DOCK2: variants seen among roughly 807,000 people sequenced by gnomAD.
DOCK2 encodes dedicator of cytokinesis protein 2.
DOCK2 carries 87 observed loss-of-function variants against 248.9 expected under a neutral mutation model. That is an observed-to-expected ratio of 0.35 (90% CI 0.29 to 0.42). DOCK2 has a LOEUF of 0.42. DOCK2 is among the 10% of genes least tolerant of loss of function. The probability of loss-of-function intolerance (pLI) is 1.00; values close to 1 mark genes in which losing one functional copy is unlikely to be tolerated. For missense variants in DOCK2, 1,747 were observed against 2,300.2 expected (o/e 0.76, Z 4.92); for synonymous variants, 805 against 821.6 (o/e 0.98, Z 0.35).
At chr5:169,690,703 A>G (rs891232454) in intron 9 of DOCK2, among the ~76,000 whole-genome samples, 1 of 152,194 alleles carries the variant, frequency 6.6e-6, no homozygotes, top group African/African-American at 2.4e-5. Context: ...CATGAGAGGG[A>G]GAAGAACGGG....
intron 22 of DOCK2, among the ~76,000 whole-genome samples, chr5:169,735,483 C>G (rs1382948726): frequency 1.3e-5 from 2 of 152,078 alleles, no homozygotes. Flanking sequence ...GGAATCTATC[C>G]CTGTATTTTC....
At chr5:169,640,330 T>G (rs1436263575) in intron 1 of DOCK2, among the ~76,000 whole-genome samples, 1 of 151,916 alleles carries the variant, frequency 6.6e-6, no homozygotes, top group Non-Finnish European at 1.5e-5. Flanking sequence ...TAGAAAAGAG[T>G]TTTGTTTACC....
intron 27 of DOCK2, among the ~76,000 whole-genome samples, chr5:169,928,218 C>A (rs1156885316): frequency 6.6e-6 from 1 of 152,198 alleles, no homozygotes; most frequent in Non-Finnish European, 1.5e-5. Flanking sequence ...AGCCTCAATG[C>A]ACCAGCAGGA....
chr5:169,734,185 T>G (rs79490224), intron 22 of DOCK2, among the ~76,000 whole-genome samples: 3,451 of 152,252 alleles, frequency 0.023, 138 homozygotes, highest in African/African-American at 0.079. Context: ...ACTGAGGTTT[T>G]TCTTTCAATT....
intron 27 of DOCK2, among the ~76,000 whole-genome samples, chr5:169,870,732 T>C (rs948759562): frequency 2.0e-5 from 3 of 152,142 alleles, no homozygotes; most frequent in Admixed American, 2.0e-4. Flanking sequence ...TAGGTCTGTG[T>C]TTTTATTTTA....
intron 33 of DOCK2, among the ~76,000 whole-genome samples, chr5:170,026,145 A>G (rs1755906989): frequency 6.6e-6 from 1 of 152,160 alleles, no homozygotes; most frequent in African/African-American, 2.4e-5. Context: ...AAGTGAGGGA[A>G]CGATGGCATC....
intron 27 of DOCK2, among the ~76,000 whole-genome samples, chr5:169,885,609 G>A (rs1280972732): frequency 6.6e-6 from 1 of 152,148 alleles, no homozygotes; most frequent in Non-Finnish European, 1.5e-5. Context: ...ACCATTTATT[G>A]AGCACATACT....
At position 169,921,769 on chromosome 5, in the gene DOCK2, C is replaced by T. The variant is rs540335614; in HGVS notation, c.2800-61299C>T. Among the ~76,000 whole-genome samples the T allele has an allele frequency of 5.3e-5, 8 of 152,300 alleles. No homozygotes were observed. The East Asian group carries it at 1.5e-3, about 29-fold the overall frequency. ...GAGGATTAGGGCCCACTGATAAGAA[C>T]AGGCTGTAAGCAGTGTTGTGACAGT... On this transcript the variant is annotated intron_variant, in intron 27 of 51. Transcript: ENST00000520908.
chr5:169,686,752 G>A (rs750584879), intron 8 of DOCK2, among the ~76,000 whole-genome samples: 2 of 152,166 alleles, frequency 1.3e-5, no homozygotes, highest in African/African-American at 4.8e-5. Context: ...AGCTAGGATC[G>A]ATGTTTTAAT....
Position 170,036,063 on chromosome 5 carries a change from A to G in DOCK2, c.3625-452A>G, listed in dbSNP as rs533113179. Among the ~76,000 whole-genome samples the G allele has an allele frequency of 1.6e-4, 24 of 152,278 alleles. No individual in the cohort carries two copies. The South Asian group carries it at 4.8e-3, about 30-fold the overall frequency. ...ATATAATTCCTGATAGTTCTGCACT[A>G]TCAGGAATTCTGATCTCTTACTATT... is the stretch of plus-strand genomic sequence containing the variant. On this transcript the variant is annotated intron_variant, in intron 35 of 51. Coordinates refer to ENST00000520908, the MANE Select transcript of DOCK2 (RefSeq NM_004946.3).
intron 19 of DOCK2, among the ~76,000 whole-genome samples, chr5:169,715,608 TAA>T (rs1181578802): frequency 5.4e-5 from 8 of 149,012 alleles, no homozygotes; most frequent in African/African-American, 2.0e-4. Context: ...TTTTTTTTTT[TAA>T]AAAAGTTTGT....
intron 26 of DOCK2, among the ~76,000 whole-genome samples, chr5:169,810,333 T>A (rs1767660294): frequency 6.6e-6 from 1 of 152,238 alleles, no homozygotes; most frequent in Non-Finnish European, 1.5e-5. Flanking sequence ...TTCATTGGTC[T>A]GTGCAAGATC....
At chr5:169,767,923 T>C (rs1256215789) in intron 25 of DOCK2, among the ~76,000 whole-genome samples, 3 of 152,242 alleles carry the variant, frequency 2.0e-5, no homozygotes, top group Non-Finnish European at 4.4e-5. Context: ...TTTTGGACTA[T>C]GTGATGCTAG....
Position 169,717,321 on chromosome 5 carries a change from G to C in DOCK2, c.2032-63G>C, listed in dbSNP as rs1761958977. Reference sequence around the variant, plus strand: ...TTTTAATGGGGGTTGAATTATGCCAGGTAAAGATGGCTTCCTGCCCTGGGT... The same window carrying C: ...TTTTAATGGGGGTTGAATTATGCCACGTAAAGATGGCTTCCTGCCCTGGGT... On this transcript the variant is annotated intron_variant, in intron 20 of 51. Transcript: ENST00000520908. 46 of 1,391,232 alleles carry C rather than the reference G, an allele frequency of 3.3e-5. No individual in the cohort carries two copies. In the South Asian group the frequency reaches 5.0e-4, roughly 15 times the overall value. 86.2% of individuals were successfully genotyped at this position (1,391,232 alleles called of 1,614,324 possible).
intron 35 of DOCK2, among the ~76,000 whole-genome samples, chr5:170,034,850 G>T (rs2113837545): frequency 6.6e-6 from 1 of 152,260 alleles, no homozygotes; most frequent in South Asian, 2.1e-4. Context: ...AAGAGTATGA[G>T]CTTTGGAGTC....
At chr5:170,064,206 A>T (rs1757420988) in intron 44 of DOCK2, among the ~76,000 whole-genome samples, 1 of 152,184 alleles carries the variant, frequency 6.6e-6, no homozygotes. Context: ...TCTAATGCAG[A>T]GAAACCAACA....
chr5:169,854,738 G>T (rs1770801240), intron 27 of DOCK2, among the ~76,000 whole-genome samples: 1 of 152,154 alleles, frequency 6.6e-6, no homozygotes, highest in Non-Finnish European at 1.5e-5. Flanking sequence ...CATATACAAA[G>T]CATTTACAGC....
chr5:169,868,178 C>A (rs1222806425), intron 27 of DOCK2, among the ~76,000 whole-genome samples: 1 of 152,172 alleles, frequency 6.6e-6, no homozygotes, highest in Non-Finnish European at 1.5e-5. Context: ...TACCAGGTTC[C>A]AGGAACACAA....
At chr5:169,854,313 G>A (rs775768194) in intron 27 of DOCK2, among the ~76,000 whole-genome samples, 5 of 151,766 alleles carry the variant, frequency 3.3e-5, no homozygotes, top group Non-Finnish European at 7.4e-5. Context: ...AGCCTCCTTA[G>A]TAAGTGGGAT....
Sources: gnomAD v4.1 joint callset for allele counts (sites outside exome capture counted in the v4.1 genomes callset) on GRCh38, gnomAD v4.1.1 for gene constraint, MANE v1.5 for transcripts, NCBI Gene and HGNC (gene_info 2026-07-23, HGNC 2026-07-21) for gene names.